Variants in UNC5C observed in about 807,000 individuals in gnomAD.
The protein encoded by UNC5C is unc-5 netrin receptor C.
Under a neutral mutation model 99.8 loss-of-function variants are expected in UNC5C, and 47 were observed. The observed-to-expected ratio is 0.47, with a 90% CI of 0.37 to 0.60. The LOEUF (loss-of-function observed/expected upper bound fraction) is 0.60, where lower values mean the gene tolerates loss of function less well. UNC5C is among the 20% of genes least tolerant of loss of function. The pLI, the probability that UNC5C is intolerant of heterozygous loss-of-function variation, is 0.00. For missense variants in UNC5C, 1,062 were observed against 1,165.9 expected, an observed-to-expected ratio of 0.91 and a Z score of 1.30; for synonymous variants, 487 against 452.2, an observed-to-expected ratio of 1.08 and a Z score of -0.98.
At chr4:95,309,159 A>G (rs544427194) in intron 2 of UNC5C, among the ~76,000 whole-genome samples, 3 of 152,190 alleles carry the variant, frequency 2.0e-5, no homozygotes, top group Non-Finnish European at 2.9e-5. Flanking sequence ...TTTGACAGAG[A>G]TGCCAAGAAT....
chr4:95,261,198 C>T (rs1740212606), intron 4 of UNC5C, among the ~76,000 whole-genome samples: 1 of 152,034 alleles, frequency 6.6e-6, no homozygotes, highest in South Asian at 2.1e-4. Context: ...TACTCCAGGA[C>T]TTGGGTTGAG....
intron 1 of UNC5C, among the ~76,000 whole-genome samples, chr4:95,342,523 C>T (rs1402766766): frequency 2.0e-5 from 3 of 152,010 alleles, no homozygotes; most frequent in African/African-American, 4.8e-5. Flanking sequence ...CCAGGCGGTA[C>T]ATGCTGTGGT....
intron 4 of UNC5C, among the ~76,000 whole-genome samples, chr4:95,255,783 C>G (rs1253243662): frequency 2.0e-5 from 3 of 151,966 alleles, no homozygotes; most frequent in Non-Finnish European, 4.4e-5. Context: ...GAACAAAAAC[C>G]CTTCTCACCC....
At chr4:95,457,690 G>A (rs1458374624) in intron 1 of UNC5C, among the ~76,000 whole-genome samples, 1 of 152,126 alleles carries the variant, frequency 6.6e-6, no homozygotes, top group Non-Finnish European at 1.5e-5. Flanking sequence ...GAGAAAGAGA[G>A]AGAGAGGGAG....
At chr4:95,198,474 T>C (rs901610323) in intron 12 of UNC5C, among the ~76,000 whole-genome samples, 1 of 152,166 alleles carries the variant, frequency 6.6e-6, no homozygotes, top group African/African-American at 2.4e-5. Flanking sequence ...TGTAAGATGA[T>C]GTGAATGCTA....
intron 1 of UNC5C, among the ~76,000 whole-genome samples, chr4:95,484,075 G>A (rs1169228249): frequency 6.6e-6 from 1 of 151,730 alleles, no homozygotes; most frequent in Non-Finnish European, 1.5e-5. Context: ...AAACCATATT[G>A]GTTAGAATAT....
intron 1 of UNC5C, among the ~76,000 whole-genome samples, chr4:95,430,471 T>C (rs1280713747): frequency 6.6e-6 from 1 of 152,084 alleles, no homozygotes; most frequent in Non-Finnish European, 1.5e-5. Flanking sequence ...AATTACCTAT[T>C]AGAAAAGAAA....
chr4:95,396,452 A>G (rs1337996239), intron 1 of UNC5C, among the ~76,000 whole-genome samples: 1 of 152,122 alleles, frequency 6.6e-6, no homozygotes, highest in Non-Finnish European at 1.5e-5. Context: ...TCTAAAGGCA[A>G]TGATGATGAT....
At chr4:95,232,123 A>G (rs1162739014) in intron 7 of UNC5C, among the ~76,000 whole-genome samples, 1 of 152,106 alleles carries the variant, frequency 6.6e-6, no homozygotes, top group Non-Finnish European at 1.5e-5. Context: ...AATGCCTGAA[A>G]TTTAAACTAA....
chr4:95,276,301 T>C (rs1057315345), intron 4 of UNC5C, among the ~76,000 whole-genome samples: 4 of 152,206 alleles, frequency 2.6e-5, no homozygotes, highest in Non-Finnish European at 5.9e-5. Flanking sequence ...AAGAAATGCA[T>C]ATTAAATATA....
rs190275886 is a variant in UNC5C, at chr4:95,440,591, T to C, written c.125-104960A>G. ...TACTGCATATATAGCTAATTTCACT[T>C]GTATATAATTTTAAGGCATTCTAGG... On this transcript the variant is annotated intron_variant, in intron 1 of 15. Transcript: ENST00000453304. 5.3e-5 allele frequency among the ~76,000 whole-genome samples: 8 copies of C among 152,258 alleles called. No individual in the cohort carries two copies. The East Asian group carries it at 1.5e-3, about 29-fold the overall frequency.
intron 1 of UNC5C, among the ~76,000 whole-genome samples, chr4:95,542,371 C>T (rs1722941621): frequency 6.6e-6 from 1 of 152,132 alleles, no homozygotes; most frequent in Non-Finnish European, 1.5e-5. Context: ...CCACACAAGG[C>T]ACTTTTGAAT....
intron 1 of UNC5C, among the ~76,000 whole-genome samples, chr4:95,445,783 G>A (rs1291533957): frequency 6.6e-6 from 1 of 151,454 alleles, no homozygotes; most frequent in African/African-American, 2.4e-5. Context: ...GAGTCATCAA[G>A]ACACATTTTT....
At chr4:95,455,625 C>T (rs1282071102) in intron 1 of UNC5C, among the ~76,000 whole-genome samples, 3 of 152,004 alleles carry the variant, frequency 2.0e-5, no homozygotes, top group Non-Finnish European at 4.4e-5. Context: ...AAGACTCTGT[C>T]TCAAATAAAT....
intron 1 of UNC5C, among the ~76,000 whole-genome samples, chr4:95,517,875 AT>A (rs900262833): frequency 3.3e-5 from 5 of 151,632 alleles, no homozygotes; most frequent in Admixed American, 6.6e-5. Flanking sequence ...TCTGATTTAG[AT>A]TTTTTTTTCT....
intron 1 of UNC5C, among the ~76,000 whole-genome samples, chr4:95,336,752 C>A (rs1363229564): frequency 6.6e-6 from 1 of 151,934 alleles, no homozygotes; most frequent in Non-Finnish European, 1.5e-5. Flanking sequence ...ACAAAACTAG[C>A]ATTCCAAGCT....
intron 1 of UNC5C, among the ~76,000 whole-genome samples, chr4:95,484,457 T>C (rs1403641333): frequency 1.3e-5 from 2 of 151,624 alleles, no homozygotes; most frequent in East Asian, 3.9e-4. Context: ...ACTGTGTAGA[T>C]GGGGTTGAGG....
chr4:95,380,134 C>T (rs1435109301), intron 1 of UNC5C, among the ~76,000 whole-genome samples: 19 of 152,016 alleles, frequency 1.2e-4, no homozygotes, highest in Admixed American at 1.2e-3. Context: ...CTTCTTTGTC[C>T]ACGTTGATGG....
intron 1 of UNC5C, among the ~76,000 whole-genome samples, chr4:95,515,368 C>T (rs866647399): frequency 6.6e-6 from 1 of 152,110 alleles, no homozygotes; most frequent in African/African-American, 2.4e-5. Flanking sequence ...AGGGTTTGCC[C>T]AAATTTAAAC....
Sources: gnomAD v4.1 joint callset for allele counts (sites outside exome capture counted in the v4.1 genomes callset) on GRCh38, gnomAD v4.1.1 for gene constraint, MANE v1.5 for transcripts, NCBI Gene and HGNC (gene_info 2026-07-23, HGNC 2026-07-21) for gene names.